The following NRG3 variants were observed in gnomAD, a reference collection of about 807,000 sequenced individuals.
NRG3 encodes the protein pro-neuregulin-3, membrane-bound isoform.
Under a neutral mutation model 66.9 loss-of-function variants are expected in NRG3, and 31 were observed. The observed-to-expected ratio is 0.46, with a 90% CI of 0.35 to 0.63. The LOEUF is 0.63. NRG3 is among the 20% of genes least tolerant of loss of function. NRG3 has a pLI of 0.00. For missense variants in NRG3, 910 were observed against 878.9 expected (o/e 1.04, Z -0.45); for synonymous variants, 393 against 359.4 (o/e 1.09, Z -1.06).
rs545100417 is a variant in NRG3 at position 82,354,365 on chromosome 10, A to G, written c.824-4374A>G. On this transcript the variant is annotated intron_variant, in intron 1 of 8. Coordinates refer to ENST00000372141, the MANE Select transcript of NRG3 (RefSeq NM_001010848.4). Reference sequence around the variant, plus strand: ...GTGATACCACTTTTTAACACAAACAATTAGAAAAATGCTGTATAAAAAAGT... The same window carrying G: ...GTGATACCACTTTTTAACACAAACAGTTAGAAAAATGCTGTATAAAAAAGT... Among the ~76,000 whole-genome samples, 7 of 150,206 alleles carry G rather than the reference A, an allele frequency of 4.7e-5. No individual in the cohort carries two copies. The East Asian group carries it at 1.4e-3, about 30-fold the overall frequency.
chr10:82,577,107 T>C (rs976542320), intron 2 of NRG3, among the ~76,000 whole-genome samples: 1 of 151,890 alleles, frequency 6.6e-6, no homozygotes, highest in Non-Finnish European at 1.5e-5. Flanking sequence ...TTCTTAGAAA[T>C]TTCTTCTCTG....
At chr10:82,819,268 A>G (rs1033859075) in intron 3 of NRG3, among the ~76,000 whole-genome samples, 3 of 152,242 alleles carry the variant, frequency 2.0e-5, no homozygotes, top group African/African-American at 7.2e-5. Context: ...TTGTAAAGCC[A>G]ATGCTATGTC....
At chr10:82,559,156 T>C (rs1274029474) in intron 2 of NRG3, among the ~76,000 whole-genome samples, 1 of 152,152 alleles carries the variant, frequency 6.6e-6, no homozygotes, top group South Asian at 2.1e-4. Context: ...TTTCTCTTTC[T>C]TCCTAATACC....
intron 2 of NRG3, among the ~76,000 whole-genome samples, chr10:82,634,513 A>G (rs2050054720): frequency 6.6e-6 from 1 of 152,148 alleles, no homozygotes; most frequent in African/African-American, 2.4e-5. Flanking sequence ...TTTTTTAAAA[A>G]CTCAAATTAA....
At chr10:82,047,912 A>G (rs1263065052) in intron 1 of NRG3, among the ~76,000 whole-genome samples, 2 of 152,130 alleles carry the variant, frequency 1.3e-5, no homozygotes, top group Non-Finnish European at 1.5e-5. Context: ...AGATCTACCA[A>G]GCAAATGGAA....
At chr10:82,919,055 G>A (rs991801057) in intron 4 of NRG3, among the ~76,000 whole-genome samples, 8 of 140,598 alleles carry the variant, frequency 5.7e-5, no homozygotes, top group African/African-American at 2.2e-4. Flanking sequence ...AAGCTGAATA[G>A]GGGTGGAGTG....
At chr10:82,068,369 A>G (rs780041030) in intron 1 of NRG3, among the ~76,000 whole-genome samples, 6 of 152,220 alleles carry the variant, frequency 3.9e-5, no homozygotes, top group Non-Finnish European at 7.3e-5. Context: ...TTTTACAAAA[A>G]TTCATTGATT....
intron 1 of NRG3, among the ~76,000 whole-genome samples, chr10:82,212,953 G>A (rs1417527995): frequency 1.3e-5 from 2 of 152,146 alleles, no homozygotes; most frequent in Admixed American, 6.6e-5. Context: ...TTTAAATTGA[G>A]ATGCAATTAG....
At chr10:82,404,046 T>A (rs1288259830) in intron 2 of NRG3, among the ~76,000 whole-genome samples, 1 of 152,160 alleles carries the variant, frequency 6.6e-6, no homozygotes, top group Non-Finnish European at 1.5e-5. Flanking sequence ...TATACTAACT[T>A]CTAGGCTGAA....
At chr10:82,185,140 C>G (rs907777908) in intron 1 of NRG3, among the ~76,000 whole-genome samples, 4 of 152,042 alleles carry the variant, frequency 2.6e-5, no homozygotes, top group Admixed American at 6.6e-5. Context: ...GACTCAGGAC[C>G]AGTCCTGGCC....
At chr10:82,152,250 C>A (rs962857736) in intron 1 of NRG3, among the ~76,000 whole-genome samples, 25 of 152,106 alleles carry the variant, frequency 1.6e-4, no homozygotes, top group Admixed American at 1.5e-3. Context: ...GTTTGGCGAT[C>A]CTATTGTAGA....
At chr10:81,894,745 C>T (rs1166560959) in intron 1 of NRG3, among the ~76,000 whole-genome samples, 1 of 152,186 alleles carries the variant, frequency 6.6e-6, no homozygotes, top group Non-Finnish European at 1.5e-5. Context: ...GTTCTGTCCT[C>T]GTTTCCACTG....
chr10:82,005,102 C>T (rs888249231), intron 1 of NRG3, among the ~76,000 whole-genome samples: 3 of 152,100 alleles, frequency 2.0e-5, no homozygotes, highest in Non-Finnish European at 2.9e-5. Flanking sequence ...AATGACTGAC[C>T]GAAGGTCAGG....
intron 1 of NRG3, among the ~76,000 whole-genome samples, chr10:82,233,090 C>T (rs1231669185): frequency 1.3e-5 from 2 of 152,106 alleles, no homozygotes; most frequent in Non-Finnish European, 2.9e-5. Context: ...GGCGGCTGTT[C>T]GCAGTGGCTC....
In NRG3 at chr10:82,626,616, T is replaced by C. The variant is rs1412733328; in HGVS notation, c.954-111961T>C. Among the ~76,000 whole-genome samples, 4 of 152,262 alleles carry C rather than the reference T, an allele frequency of 2.6e-5. No individual in the cohort carries two copies. The East Asian group carries it at 5.8e-4, about 22-fold the overall frequency. On this transcript the variant is annotated intron_variant, in intron 2 of 8. Coordinates refer to ENST00000372141, the MANE Select transcript of NRG3 (RefSeq NM_001010848.4). ...AGCATTACCTTTAAAAATTATAGAT[T>C]AAAAGAATTACAAGGGATATTACAA...
chr10:82,724,494 T>C (rs1287690761), intron 2 of NRG3, among the ~76,000 whole-genome samples: 1 of 152,132 alleles, frequency 6.6e-6, no homozygotes, highest in Non-Finnish European at 1.5e-5. Flanking sequence ...CTGGGAGAAA[T>C]AGGGAAAATT....
chr10:82,499,615 A>G (rs1349176222), intron 2 of NRG3, among the ~76,000 whole-genome samples: 1 of 152,148 alleles, frequency 6.6e-6, no homozygotes, highest in Non-Finnish European at 1.5e-5. Context: ...CTAAGCAAAA[A>G]ATAGGACAAT....
At chr10:82,294,496 A>C (rs10787026) in intron 1 of NRG3, among the ~76,000 whole-genome samples, 72,276 of 151,814 alleles carry the variant, frequency 0.48, 20,782 homozygotes, top group African/African-American at 0.81. Flanking sequence ...GCAGTTACAC[A>C]TACAGTCATA....
At chr10:82,291,034 A>G (rs7908370) in intron 1 of NRG3, among the ~76,000 whole-genome samples, 38,850 of 151,788 alleles carry the variant, frequency 0.26, 5,121 homozygotes, top group Admixed American at 0.28. Context: ...CCTGGTTTCA[A>G]TTGTTATACA....
Sources: allele counts gnomAD v4.1 joint callset (sites outside exome capture counted in the v4.1 genomes callset), GRCh38; gene constraint gnomAD v4.1.1; transcripts MANE v1.5; gene names NCBI Gene and HGNC (gene_info 2026-07-23, HGNC 2026-07-21).